CMKLR2: variants seen among roughly 807,000 people sequenced by gnomAD.
CMKLR2 encodes chemerin-like receptor 2.
In CMKLR2, 18 loss-of-function variants were observed where a neutral mutation model predicts 23.0. The observed-to-expected ratio is 0.78, with a 90% CI of 0.54 to 1.16. The LOEUF (loss-of-function observed/expected upper bound fraction) is 1.16, where lower values mean the gene tolerates loss of function less well. Ranked by LOEUF, CMKLR2 falls within the 50% of genes most tolerant of loss-of-function variation. The pLI is 0.00. For synonymous variants in CMKLR2, 158 were observed against 158.9 expected, an observed-to-expected ratio of 0.99 and a Z score of 0.05; for missense variants, 401 against 412.7, an observed-to-expected ratio of 0.97 and a Z score of 0.25.
intron 1 of CMKLR2, among the ~76,000 whole-genome samples, chr2:206,202,756 G>T (rs1196209390): frequency 1.3e-5 from 2 of 151,980 alleles, no homozygotes; most frequent in Admixed American, 6.6e-5. Flanking sequence ...CAGGCGGCCG[G>T]CTTACCTTAC....
At chr2:206,195,680 C>T (rs113469660) in intron 1 of CMKLR2, among the ~76,000 whole-genome samples, 40 of 152,306 alleles carry the variant, frequency 2.6e-4, no homozygotes, top group African/African-American at 7.9e-4. Context: ...AGAGGCCAGG[C>T]GCAGTGGCTC....
chr2:206,183,363 T>G (rs1161500959), intron 1 of CMKLR2, among the ~76,000 whole-genome samples: 1 of 152,186 alleles, frequency 6.6e-6, no homozygotes, highest in Non-Finnish European at 1.5e-5. Context: ...TTGACCCTGC[T>G]GGGACAGTGT....
chr2:206,192,407 T>A (rs1688783426), intron 1 of CMKLR2, among the ~76,000 whole-genome samples: 1 of 151,282 alleles, frequency 6.6e-6, no homozygotes, highest in African/African-American at 2.4e-5. Context: ...TTATTTTTAT[T>A]TTTCTGTTTA....
chr2:206,215,054 A>T (rs188950896), upstream of CMKLR2, among the ~76,000 whole-genome samples: 1 of 152,252 alleles, frequency 6.6e-6, no homozygotes, highest in African/African-American at 2.4e-5. Context: ...GTTAAAGACC[A>T]AGTCTAGGAA....
chr2:206,183,084 C>T (rs1295102760), intron 1 of CMKLR2, among the ~76,000 whole-genome samples: 1 of 152,152 alleles, frequency 6.6e-6, no homozygotes, highest in South Asian at 2.1e-4. Flanking sequence ...GTGGCTGACT[C>T]TCCCCAGTGT....
At chr2:206,199,424 G>C (rs186743017) in intron 1 of CMKLR2, among the ~76,000 whole-genome samples, 1 of 152,220 alleles carries the variant, frequency 6.6e-6, no homozygotes, top group African/African-American at 2.4e-5. Flanking sequence ...AGAAGACAGA[G>C]AGAGTGAGCA....
At chr2:206,216,675 T>G (rs1689765019), upstream of CMKLR2, among the ~76,000 whole-genome samples, 1 of 152,214 alleles carries the variant, frequency 6.6e-6, no homozygotes, top group Non-Finnish European at 1.5e-5. Flanking sequence ...TATCATATTA[T>G]TCTGGGGACT....
intron 1 of CMKLR2, among the ~76,000 whole-genome samples, chr2:206,183,658 A>C (rs949580946): frequency 1.3e-5 from 2 of 152,182 alleles, no homozygotes; most frequent in Non-Finnish European, 2.9e-5. Context: ...GGGAAATAGG[A>C]GCTTAGGAAT....
chr2:206,216,890 C>T (rs1232094210), upstream of CMKLR2, among the ~76,000 whole-genome samples: 1 of 152,160 alleles, frequency 6.6e-6, no homozygotes, highest in African/African-American at 2.4e-5. Flanking sequence ...ATTGGGGTTG[C>T]CAACTTGGCC....
intron 1 of CMKLR2, among the ~76,000 whole-genome samples, chr2:206,199,691 G>T (rs990287157): frequency 6.6e-6 from 1 of 151,606 alleles, no homozygotes. Context: ...TGCCTCCTGG[G>T]TTCAAGCAAT....
In CMKLR2 at chr2:206,176,798, G is replaced by A. The variant is rs1388917198; in HGVS notation, c.450C>T (p.Thr150=). The A allele has an allele frequency of 1.2e-6, 2 of 1,614,130 alleles. No individual in the cohort carries two copies. Among genetic ancestry groups the A allele is most frequent in the African/African-American group, 2.7e-5 (2 of 75,034 alleles). The change falls in exon 2 of 2, where the codon ACC becomes ACT. Residue 150 remains threonine, a synonymous_variant. Transcript: ENST00000621141. The part of the protein sequence containing the change: ...IHPVLSHRHR[T]LKNSLIVIIF... ...TAATGACAATCAGAGAGTTCTTGAG[G>A]GTTCGATGCCGATGAGATAAGACAG...
upstream of CMKLR2, among the ~76,000 whole-genome samples, chr2:206,213,931 G>A (rs1317847417): frequency 6.6e-6 from 1 of 152,102 alleles, no homozygotes; most frequent in Non-Finnish European, 1.5e-5. Flanking sequence ...TCGGCTCACT[G>A]CAACCTCCGC....
rs35488030 is a variant in CMKLR2 at position 206,203,161 on chromosome 2, C to CAAAAAAAAAA, written c.-29+10136_-29+10145dup. Among the ~76,000 whole-genome samples, 289 of 119,006 alleles carry CAAAAAAAAAA rather than the reference C, an allele frequency of 2.4e-3. 2 individuals carry two copies. The highest frequency in any genetic ancestry group is 4.4e-3 in the Middle Eastern group (1 of 228). The allele number at this position is 119,006 out of a possible 152,430, so 78.1% of individuals were successfully genotyped here. ...TGAAACCCAGTCTCTTCTAAAACTA[C>CAAAAAAAAAA]AAAAAAAAAAAAAAAAATTAGCCGG... On this transcript the variant is annotated intron_variant, in intron 1 of 1. Coordinates refer to ENST00000621141, the MANE Select transcript of CMKLR2 (RefSeq NM_001389445.1).
intron 1 of CMKLR2, among the ~76,000 whole-genome samples, chr2:206,209,607 T>TTA (rs2105841718): frequency 1.3e-5 from 2 of 151,970 alleles, no homozygotes; most frequent in South Asian, 4.2e-4. Context: ...CAGTTCTTAC[T>TTA]TATAAGTGAG....
intron 1 of CMKLR2, among the ~76,000 whole-genome samples, chr2:206,181,807 C>T (rs1383198655): frequency 4.0e-5 from 6 of 151,820 alleles, no homozygotes; most frequent in African/African-American, 1.5e-4. Context: ...ACAAAATTAG[C>T]CGGGTATGGT....
chr2:206,209,451 G>A (rs1424536727), intron 1 of CMKLR2, among the ~76,000 whole-genome samples: 1 of 152,040 alleles, frequency 6.6e-6, no homozygotes, highest in Non-Finnish European at 1.5e-5. Flanking sequence ...ATGTGTGTCA[G>A]GGTGGTTTGC....
intron 1 of CMKLR2, among the ~76,000 whole-genome samples, chr2:206,192,132 T>C (rs1253767181): frequency 6.6e-6 from 1 of 151,226 alleles, no homozygotes; most frequent in Non-Finnish European, 1.5e-5. Context: ...CATGAGCCAC[T>C]GCGCCAGGCC....
At chr2:206,179,054 C>CGTTTTTTTTTTTTTTT (rs1559082864) in intron 1 of CMKLR2, among the ~76,000 whole-genome samples, 1 of 123,654 alleles carries the variant, frequency 8.1e-6, no homozygotes, top group African/African-American at 2.9e-5. Flanking sequence ...GCTCCCTGTC[C>CGTTTTTTTTTTTTTTT]CTTTTTTTTT....
In CMKLR2 at chr2:206,184,547, G is replaced by A. The variant is rs1181975325; in HGVS notation, c.-28-7272C>T. Among the ~76,000 whole-genome samples, 17 of 151,954 alleles carry A rather than the reference G, an allele frequency of 1.1e-4. No homozygotes were observed. In the East Asian group the frequency reaches 2.5e-3, roughly 23 times the overall value. The stretch of plus-strand genomic sequence containing the variant: ...CCTGACCTCGTGATCCAGCCGCCTC[G>A]GCCTCCCAAAGTGCTGGGATTACAG... On this transcript the variant is annotated intron_variant, in intron 1 of 1. Coordinates refer to ENST00000621141, the MANE Select transcript of CMKLR2 (RefSeq NM_001389445.1).
Sources: gnomAD v4.1 joint callset for allele counts (sites outside exome capture counted in the v4.1 genomes callset) on GRCh38, gnomAD v4.1.1 for gene constraint, MANE v1.5 for transcripts, NCBI Gene and HGNC (gene_info 2026-07-23, HGNC 2026-07-21) for gene names.